Variants in PTPN13 observed in about 807,000 individuals in gnomAD.
PTPN13 encodes the protein tyrosine-protein phosphatase non-receptor type 13.
In PTPN13, 191 loss-of-function variants were observed where a neutral mutation model predicts 284.0. The observed-to-expected ratio is 0.67, with a 90% CI of 0.60 to 0.76. The LOEUF is 0.76. Ranked by LOEUF, PTPN13 falls within the 30% of genes least tolerant of loss-of-function variation. PTPN13 has a pLI of 0.00. For missense variants in PTPN13, 2,797 were observed against 2,939.9 expected (o/e 0.95, Z 1.12); for synonymous variants, 986 against 1,022.3 (o/e 0.96, Z 0.68).
intron 10 of PTPN13, among the ~76,000 whole-genome samples, chr4:86,727,733 C>T (rs147620419): frequency 0.024 from 3,548 of 148,986 alleles, 337 homozygotes; most frequent in Middle Eastern, 0.045. Flanking sequence ...GCTAGCAGTA[C>T]ATCAATTTTG....
intron 42 of PTPN13, among the ~76,000 whole-genome samples, chr4:86,803,354 G>A (rs1744264970): frequency 6.6e-6 from 1 of 152,064 alleles, no homozygotes; most frequent in South Asian, 2.1e-4. Context: ...ACTTGGGGAA[G>A]CCAAGACAGG....
In PTPN13 at chr4:86,770,199, G is replaced by T. The variant is rs1195207661; in HGVS notation, c.4803G>T (p.Leu1601Phe). Reference protein sequence around the residue: ...GVLPEIDTALLTPLQSPAQVL... With the variant: ...GVLPEIDTALFTPLQSPAQVL... ...TACCGGAAATTGATACTGCGCTTTT[G>T]GTGAGACTTATGAAAAGTAATTTAC... Residue 1601 changes from leucine (L) to phenylalanine (F), a missense_variant and splice_region_variant, in exon 30 of 48, where the codon TTG becomes TTT. Transcript: ENST00000411767. The T allele has an allele frequency of 6.2e-7, 1 of 1,610,896 alleles. No homozygotes were observed. The highest frequency in any genetic ancestry group is 8.5e-7 in the Non-Finnish European group (1 of 1,177,632).
At chr4:86,734,953 T>G (rs1389657849) in intron 14 of PTPN13, 78 bp downstream of exon 14, 32 of 1,470,308 alleles carry the variant, frequency 2.2e-5, no homozygotes, top group Non-Finnish European at 2.9e-5. Context: ...TAAACCTGAT[T>G]CAGGTGTTTG....
intron 2 of PTPN13, among the ~76,000 whole-genome samples, chr4:86,644,726 C>T (rs894777134): frequency 3.9e-5 from 6 of 152,038 alleles, no homozygotes; most frequent in African/African-American, 1.4e-4. Context: ...TAATTGAATC[C>T]AACAATATAT....
At chr4:86,597,505 G>A (rs1763921069) in intron 1 of PTPN13, among the ~76,000 whole-genome samples, 1 of 152,164 alleles carries the variant, frequency 6.6e-6, no homozygotes, top group Admixed American at 6.5e-5. Context: ...GACTTTTAAT[G>A]GCTTAAGTTA....
At chr4:86,774,948 A>T (rs186105387) in intron 33 of PTPN13, among the ~76,000 whole-genome samples, 64 of 152,190 alleles carry the variant, frequency 4.2e-4, no homozygotes, top group African/African-American at 1.5e-3. Context: ...ATAATGATGC[A>T]TTTGTTAGGG....
intron 2 of PTPN13, among the ~76,000 whole-genome samples, chr4:86,662,527 T>C (rs1726623280): frequency 6.6e-6 from 1 of 152,160 alleles, no homozygotes; most frequent in Admixed American, 6.5e-5. Context: ...AGATGGGATT[T>C]TGCCATGCTG....
At chr4:86,717,436 G>A (rs989514796) in intron 9 of PTPN13, among the ~76,000 whole-genome samples, 7 of 152,072 alleles carry the variant, frequency 4.6e-5, no homozygotes, top group Admixed American at 6.6e-5. Context: ...TGATCCACCC[G>A]CCTCAGCCTC....
chr4:86,799,892 C>T (rs1382593172), intron 42 of PTPN13, among the ~76,000 whole-genome samples: 1 of 121,162 alleles, frequency 8.3e-6, no homozygotes, highest in Non-Finnish European at 1.6e-5. Context: ...CTGGAGAATA[C>T]AGTGGCACAA....
chr4:86,784,635 C>T (rs9990536), intron 38 of PTPN13, 77 bp downstream of exon 38: 88,262 of 860,734 alleles, frequency 0.1, 5,015 homozygotes, highest in Non-Finnish European at 0.12. Context: ...TAGGTATCCT[C>T]TTTTCTTTGC....
intron 5 of PTPN13, 87 bp downstream of exon 5, chr4:86,689,277 A>G: frequency 9.3e-7 from 1 of 1,079,792 alleles, no homozygotes; most frequent in South Asian, 1.8e-5. Context: ...CTATATAGGT[A>G]GCATTTTCTC....
In PTPN13 at chr4:86,680,380, T is replaced by TCTAC. The variant is rs1237973244; in HGVS notation, c.295-6327_295-6326insCCTA. ...ATCTATCTATCTATCTATCTATCTA[T>TCTAC]CTATCTATCTATCTATCTATCTCTA... On this transcript the variant is annotated intron_variant, in intron 3 of 47. Transcript: ENST00000411767. Among the ~76,000 whole-genome samples the TCTAC allele has an allele frequency of 6.7e-4, 102 of 151,718 alleles. 1 individual carries two copies. The highest frequency in any genetic ancestry group is 5.3e-4 in the Non-Finnish European group (36 of 67,946).
intron 2 of PTPN13, among the ~76,000 whole-genome samples, chr4:86,648,252 T>C (rs181151493): frequency 2.0e-4 from 31 of 152,286 alleles, no homozygotes; most frequent in African/African-American, 7.0e-4. Flanking sequence ...CTCTTTTAGT[T>C]ATTCTGAAAT....
chr4:86,639,606 T>A (rs147467397), intron 2 of PTPN13, among the ~76,000 whole-genome samples: 11,029 of 149,932 alleles, frequency 0.074, 547 homozygotes, highest in African/African-American at 0.13. Flanking sequence ...CCATGTTCTC[T>A]CTCATAGATG....
At chr4:86,722,065 A>G (rs1733730125) in intron 9 of PTPN13, 147 bp from the exon 10 acceptor site, 5 of 674,702 alleles carry the variant, frequency 7.4e-6, no homozygotes, top group Non-Finnish European at 1.3e-5. Context: ...TCTTCATACC[A>G]TACTGTGTAA....
intron 16 of PTPN13, among the ~76,000 whole-genome samples, chr4:86,742,110 A>G (rs1189197467): frequency 6.6e-6 from 1 of 152,208 alleles, no homozygotes; most frequent in Non-Finnish European, 1.5e-5. Flanking sequence ...AATTTATTCT[A>G]GGGTTGTAAC....
chr4:86,690,205 C>G (rs1408498562), intron 5 of PTPN13: 1 of 153,060 alleles, frequency 6.5e-6, no homozygotes, highest in Non-Finnish European at 1.5e-5. Context: ...CATTTTCCCT[C>G]TTTAACTAGA....
Position 86,751,108 on chromosome 4 carries a change from G to T in PTPN13, c.3150G>T (p.Gly1050=). The change falls in exon 19 of 48, where the codon GGG becomes GGT. Residue 1050 remains glycine (G), a synonymous_variant. Coordinates refer to ENST00000411767, the MANE Select transcript of PTPN13 (RefSeq NM_080683.3). ...ESDSSSIEDP[G]QAYVLGMTMH... ...ACTCCTCATCCATTGAAGACCCTGG[G>T]CAAGCATATGTTCTAGGTCAGCAAA... The T allele has an allele frequency of 6.3e-7, 1 of 1,596,878 alleles. No individual in the cohort carries two copies. The highest frequency in any genetic ancestry group is 8.6e-7 in the Non-Finnish European group (1 of 1,164,894).
intron 2 of PTPN13, among the ~76,000 whole-genome samples, chr4:86,651,071 T>C (rs191342943): frequency 7.2e-5 from 11 of 152,324 alleles, no homozygotes; most frequent in Admixed American, 6.5e-4. Context: ...ATGGCCTTGA[T>C]CATGTTGAGG....
Sources: allele counts gnomAD v4.1 joint callset (sites outside exome capture counted in the v4.1 genomes callset), GRCh38; gene constraint gnomAD v4.1.1; transcripts MANE v1.5; gene names NCBI Gene and HGNC (gene_info 2026-07-23, HGNC 2026-07-21).